The following CFAP77 variants were observed in gnomAD, a reference collection of about 807,000 sequenced individuals.
CFAP77 encodes the protein cilia and flagella associated protein 77, also known as cilia- and flagella-associated protein 77.
Under a neutral mutation model 31.1 loss-of-function variants are expected in CFAP77, and 25 were observed. The ratio of observed to expected loss-of-function variants is 0.80; its 90% confidence interval spans 0.59 to 1.12. The LOEUF (loss-of-function observed/expected upper bound fraction) is 1.12, where lower values mean the gene tolerates loss of function less well. Among genes scored for constraint, CFAP77 ranks in the 50% most tolerant of loss-of-function variants. The pLI, the probability that CFAP77 is intolerant of heterozygous loss-of-function variation, is 0.00. For missense variants in CFAP77, 377 were observed against 397.3 expected (o/e 0.95, Z 0.44); for synonymous variants, 151 against 159.9 (o/e 0.94, Z 0.42).
intron 1 of CFAP77, chr9:132,482,562 A>G (rs1851467891): frequency 1.5e-6 from 1 of 673,120 alleles, no homozygotes; most frequent in Admixed American, 2.7e-5. Context: ...TCATTACGCC[A>G]TGGGGTGGGG....
intron 1 of CFAP77, among the ~76,000 whole-genome samples, chr9:132,443,962 G>A (rs1203880389): frequency 3.3e-5 from 5 of 152,200 alleles, no homozygotes; most frequent in Admixed American, 2.6e-4. Flanking sequence ...GAGTTCACAC[G>A]CCAGCCATTC....
intron 4 of CFAP77, among the ~76,000 whole-genome samples, chr9:132,542,262 C>T (rs1160601530): frequency 1.3e-5 from 2 of 152,236 alleles, no homozygotes; most frequent in Admixed American, 6.5e-5. Context: ...CAGCCGCCTA[C>T]GCCCCATCCC....
intron 3 of CFAP77, among the ~76,000 whole-genome samples, chr9:132,505,404 A>G (rs1851915644): frequency 1.3e-5 from 2 of 152,138 alleles, no homozygotes; most frequent in Admixed American, 1.3e-4. Context: ...GGTTGTCACT[A>G]AATCGGAAGG....
At chr9:132,567,444 G>T (rs900620274) in intron 5 of CFAP77, among the ~76,000 whole-genome samples, 1 of 152,202 alleles carries the variant, frequency 6.6e-6, no homozygotes, top group Admixed American at 6.5e-5. Context: ...TTTTGTCCTT[G>T]TGTGGTTAGA....
intron 1 of CFAP77, among the ~76,000 whole-genome samples, chr9:132,422,013 CT>C (rs1234375855): frequency 1.1e-3 from 162 of 143,378 alleles, no homozygotes; most frequent in Admixed American, 1.4e-3. Flanking sequence ...TCCCAGGTGG[CT>C]TTTTTTTTTT....
chr9:132,541,061 T>C (rs1852631513), intron 4 of CFAP77, among the ~76,000 whole-genome samples: 1 of 152,160 alleles, frequency 6.6e-6, no homozygotes, highest in Admixed American at 6.6e-5. Flanking sequence ...CTGGGGTTGA[T>C]AGACAATTTA....
At chr9:132,486,497 C>T (rs1331910998) in intron 1 of CFAP77, among the ~76,000 whole-genome samples, 2 of 152,168 alleles carry the variant, frequency 1.3e-5, no homozygotes, top group Non-Finnish European at 1.5e-5. Flanking sequence ...TGAGCTGCTT[C>T]CTGCGAGTGA....
intron 1 of CFAP77, among the ~76,000 whole-genome samples, chr9:132,447,705 TC>T (rs1850750521): frequency 6.6e-6 from 1 of 152,206 alleles, no homozygotes; most frequent in Non-Finnish European, 1.5e-5. Context: ...CGCGGGGACT[TC>T]AGACACCTAG....
chr9:132,472,493 A>G (rs1401266906), intron 1 of CFAP77, among the ~76,000 whole-genome samples: 1 of 152,210 alleles, frequency 6.6e-6, no homozygotes, highest in Non-Finnish European at 1.5e-5. Context: ...GCATTGGCTC[A>G]CGCCTGTAAT....
chr9:132,479,683 G>A (rs189701291), intron 1 of CFAP77, among the ~76,000 whole-genome samples: 112 of 152,306 alleles, frequency 7.4e-4, no homozygotes, highest in Non-Finnish European at 1.4e-3. Context: ...GAAAGCGTGT[G>A]GGCAGGTGGG....
rs887269540 is a variant in CFAP77 at position 132,497,276 on chromosome 9, C to T, written c.196-1419C>T. Among the ~76,000 whole-genome samples, 1 of 152,164 alleles carries T rather than the reference C, an allele frequency of 6.6e-6. No individual in the cohort carries two copies. Among genetic ancestry groups the T allele is most frequent in the African/African-American group, 2.4e-5 (1 of 41,428 alleles). ...TGAGCCACGCTGGGTGGTCCTTGAC[C>T]ATCTGTCTACCTCTCAGCACCCAGC... On this transcript the variant is annotated intron_variant, in intron 1 of 5. Transcript: ENST00000393216. The surrounding 1 kb of genome is among the most constrained non-coding windows in gnomAD (Gnocchi z 4.9).
At chr9:132,456,143 C>G (rs912508106) in intron 1 of CFAP77, among the ~76,000 whole-genome samples, 2 of 152,196 alleles carry the variant, frequency 1.3e-5, no homozygotes, top group Admixed American at 6.5e-5. Context: ...TGAGCTGCCT[C>G]TCTCGTGGTT....
intron 1 of CFAP77, among the ~76,000 whole-genome samples, chr9:132,457,304 G>C (rs544558761): frequency 2.1e-5 from 3 of 145,454 alleles, no homozygotes; most frequent in South Asian, 2.2e-4. Context: ...AGACGGGGAC[G>C]GGGGTGGGGG....
chr9:132,411,517 C>G (rs530560560), intron 1 of CFAP77, among the ~76,000 whole-genome samples: 56 of 152,268 alleles, frequency 3.7e-4, no homozygotes, highest in African/African-American at 1.3e-3. Context: ...ACTGCCTAGG[C>G]GCAGGCTGCA....
intron 3 of CFAP77, among the ~76,000 whole-genome samples, chr9:132,502,888 C>T (rs1488609098): frequency 6.6e-6 from 1 of 152,172 alleles, no homozygotes; most frequent in Non-Finnish European, 1.5e-5. Flanking sequence ...ACACTGCTGT[C>T]CACAGCATGT....
rs995413714 is a variant in CFAP77 at position 132,480,742 on chromosome 9, C to T, written c.196-17953C>T. 1.3e-5 allele frequency among the ~76,000 whole-genome samples: 2 copies of T among 152,060 alleles called. No individual in the cohort carries two copies. Among genetic ancestry groups the T allele is most frequent in the African/African-American group, 4.8e-5 (2 of 41,404 alleles). ...TGGTGACATTTCAGCTAGGAGTTAGCGGGGCCAGGCGCCGGTGAGGAGAGG... is the reference window on the plus strand; with the variant it reads ...TGGTGACATTTCAGCTAGGAGTTAGTGGGGCCAGGCGCCGGTGAGGAGAGG... On this transcript the variant is annotated intron_variant, in intron 1 of 5. Transcript: ENST00000393216. The surrounding 1 kb of genome is among the most constrained non-coding windows in gnomAD (Gnocchi z 5.8).
At chr9:132,415,856 A>G (rs1850086590) in intron 1 of CFAP77, among the ~76,000 whole-genome samples, 1 of 152,210 alleles carries the variant, frequency 6.6e-6, no homozygotes, top group African/African-American at 2.4e-5. Context: ...AGGTCTCGTG[A>G]AATGTCTGAT....
intron 1 of CFAP77, among the ~76,000 whole-genome samples, chr9:132,474,637 G>A (rs1018748099): frequency 7.9e-5 from 12 of 152,136 alleles, no homozygotes; most frequent in Admixed American, 2.0e-4. Flanking sequence ...CACTCAGTTC[G>A]GGTGGCGGCG....
intron 3 of CFAP77, among the ~76,000 whole-genome samples, chr9:132,526,226 TG>T (rs1184872332): frequency 6.6e-6 from 1 of 152,000 alleles, no homozygotes; most frequent in African/African-American, 2.4e-5. Flanking sequence ...GTTTTTTTTT[TG>T]TTTTTTTATT....
Sources: allele counts gnomAD v4.1 joint callset (sites outside exome capture counted in the v4.1 genomes callset), GRCh38; gene constraint gnomAD v4.1.1; non-coding constraint Gnocchi (gnomAD v3.1); transcripts MANE v1.5; gene names NCBI Gene and HGNC (gene_info 2026-07-23, HGNC 2026-07-21).